Variants in KIZ observed in about 807,000 individuals in gnomAD.
KIZ encodes kizuna centrosomal protein.
Under a neutral mutation model 79.6 loss-of-function variants are expected in KIZ, and 68 were observed. That is an observed-to-expected ratio of 0.85 (90% CI 0.70 to 1.05). KIZ has a LOEUF of 1.05. Among genes scored for constraint, KIZ ranks in the 50% least tolerant of loss-of-function variants. The pLI, the probability that KIZ is intolerant of heterozygous loss-of-function variation, is 0.00. For missense variants in KIZ, 797 were observed against 800.4 expected (o/e 1.00, Z 0.05); for synonymous variants, 280 against 281.8 (o/e 0.99, Z 0.06).
chr20:21,141,815 ACACACACACT>A (rs1265443512), intron 3 of KIZ, among the ~76,000 whole-genome samples: 1 of 139,532 alleles, frequency 7.2e-6, no homozygotes, highest in Admixed American at 7.1e-5. Context: ...ACACACACAC[ACACACACACT>A]CTCTCTCTCT....
chr20:21,235,883 T>A (rs1253538739), intron 11 of KIZ, among the ~76,000 whole-genome samples: 1 of 152,222 alleles, frequency 6.6e-6, no homozygotes, highest in African/African-American at 2.4e-5. Flanking sequence ...GCGGTGGCAT[T>A]TTCTGTCTTT....
intron 6 of KIZ, among the ~76,000 whole-genome samples, chr20:21,205,253 C>A (rs1197612600): frequency 1.3e-5 from 2 of 152,128 alleles, no homozygotes; most frequent in African/African-American, 4.8e-5. Flanking sequence ...GTGCAGAGCT[C>A]CCCAGGTTGT....
At chr20:21,214,358 T>C (rs2036197924) in intron 7 of KIZ, among the ~76,000 whole-genome samples, 177 bp from the exon 8 acceptor site, 1 of 152,194 alleles carries the variant, frequency 6.6e-6, no homozygotes, top group East Asian at 1.9e-4. Context: ...TAGATTATAG[T>C]AGAAAATAAC....
At chr20:21,234,563 AT>A (rs2036939170) in intron 11 of KIZ, among the ~76,000 whole-genome samples, 1 of 152,008 alleles carries the variant, frequency 6.6e-6, no homozygotes, top group African/African-American at 2.4e-5. Context: ...ATTCACTGAA[AT>A]TTCTTAGAGG....
chr20:21,244,388 C>T lies in KIZ; in HGVS notation c.1924+100C>T, dbSNP rs541953784. On this transcript the variant is annotated intron_variant, in intron 12 of 12. Coordinates refer to ENST00000619189, the MANE Select transcript of KIZ (RefSeq NM_018474.6). ...TTGCACCCTCATGTGAGTCCTGAAG[C>T]GGGCATGCTCACAGGGACTGCCATT... is the stretch of plus-strand genomic sequence containing the variant. The T allele has an allele frequency of 1.2e-4, 99 of 831,106 alleles. No individual in the cohort carries two copies. The African/African-American group carries it at 1.5e-3, about 12-fold the overall frequency. The allele number at this position is 831,106 out of a possible 1,614,324, so 51.5% of individuals were successfully genotyped here.
At chr20:21,238,387 G>C (rs1354840398) in intron 11 of KIZ, among the ~76,000 whole-genome samples, 1 of 151,558 alleles carries the variant, frequency 6.6e-6, no homozygotes, top group South Asian at 2.1e-4. Context: ...GAGTGTGTGA[G>C]AGAGTGTGTG....
chr20:21,126,447 G>C (rs1021239513), intron 1 of KIZ, among the ~76,000 whole-genome samples: 1 of 152,136 alleles, frequency 6.6e-6, no homozygotes, highest in Non-Finnish European at 1.5e-5. Context: ...GCTAAAGCCT[G>C]GTCTACGGTT....
chr20:21,146,475 C>A (rs1184485011), intron 4 of KIZ, among the ~76,000 whole-genome samples: 3 of 152,228 alleles, frequency 2.0e-5, no homozygotes, highest in Non-Finnish European at 4.4e-5. Flanking sequence ...ATATTTAATG[C>A]TTTCCTTGGA....
intron 12 of KIZ, 88 bp from the exon 13 acceptor site, chr20:21,246,391 C>A: frequency 1.3e-6 from 1 of 797,190 alleles, no homozygotes; most frequent in African/African-American, 1.7e-5. Flanking sequence ...TGACACTCTG[C>A]TTAACCAGTC....
intron 3 of KIZ, among the ~76,000 whole-genome samples, chr20:21,144,356 A>G (rs1467828509): frequency 1.3e-5 from 2 of 152,218 alleles, no homozygotes; most frequent in African/African-American, 2.4e-5. Context: ...TTGAGATACT[A>G]TCCCTTGGAA....
intron 3 of KIZ, among the ~76,000 whole-genome samples, chr20:21,140,703 G>A (rs1468338426): frequency 6.6e-6 from 1 of 152,166 alleles, no homozygotes; most frequent in East Asian, 1.9e-4. Flanking sequence ...TTAGGTCTGG[G>A]CATGGTGGTT....
At chr20:21,166,379 T>A in intron 6 of KIZ, 1 of 1,600,464 alleles carries the variant, frequency 6.2e-7, no homozygotes, top group Non-Finnish European at 8.5e-7. Flanking sequence ...AGCTGATCAC[T>A]CCACACTTGT....
intron 6 of KIZ, among the ~76,000 whole-genome samples, chr20:21,191,356 A>G (rs529240327): frequency 6.6e-6 from 1 of 152,346 alleles, no homozygotes; most frequent in African/African-American, 2.4e-5. Flanking sequence ...AGGAAAGCAG[A>G]CACAACTGCT....
intron 4 of KIZ, among the ~76,000 whole-genome samples, chr20:21,148,179 T>C (rs559579818): frequency 5.9e-5 from 9 of 152,240 alleles, no homozygotes; most frequent in South Asian, 2.1e-4. Flanking sequence ...GGGATGGCCA[T>C]TGAGGTGGAA....
intron 12 of KIZ, 110 bp downstream of exon 12, chr20:21,244,398 C>T (rs2037322019): frequency 1.3e-6 from 1 of 765,506 alleles, no homozygotes; most frequent in Non-Finnish European, 2.3e-6. Context: ...CGGGCATGCT[C>T]ACAGGGACTG....
intron 9 of KIZ, among the ~76,000 whole-genome samples, chr20:21,224,740 A>G (rs532202789): frequency 2.6e-5 from 4 of 152,160 alleles, no homozygotes; most frequent in Non-Finnish European, 4.4e-5. Context: ...CTGGTGAACC[A>G]CGTGTTTGTC....
Position 21,162,168 on chromosome 20 carries a change from A to G in KIZ, c.703A>G (p.Lys235Glu), listed in dbSNP as rs1396798087. The part of the protein sequence containing the change: ...DGKASLQIGE[K>E]MPVTASVLSE... ...AAAGGCATCTCTTCAGATTGGTGAG[A>G]AAATGCCAGTCACAGCCAGTGTATT... Residue 235 changes from lysine to glutamate, a missense_variant, in exon 5 of 13, where the codon AAA becomes GAA. Physicochemically the swap from Lys to Glu is moderately conservative, Grantham distance 56. Coordinates refer to ENST00000619189, the MANE Select transcript of KIZ (RefSeq NM_018474.6). The G allele has an allele frequency of 2.5e-6, 4 of 1,611,186 alleles. No individual in the cohort carries two copies. The South Asian group carries it at 3.3e-5, about 13-fold the overall frequency.
rs74679115 is a variant in KIZ at position 21,234,771 on chromosome 20, C to A, written c.1880+1941C>A. ...AAAGAAAAAAAAAAAACCCACTGGACCTAAAAAAAAAAAAAAAAAAAAATG... is the reference window on the plus strand; with the variant it reads ...AAAGAAAAAAAAAAAACCCACTGGAACTAAAAAAAAAAAAAAAAAAAAATG... On this transcript the variant is annotated intron_variant, in intron 11 of 12. Coordinates refer to ENST00000619189, the MANE Select transcript of KIZ (RefSeq NM_018474.6). 2.8e-3 allele frequency among the ~76,000 whole-genome samples: 396 copies of A among 141,912 alleles called. 2 individuals are homozygous for A. The highest frequency in any genetic ancestry group is 0.01 in the African/African-American group (390 of 38,084). The allele number at this position is 141,912 out of a possible 152,430, so 93.1% of individuals were successfully genotyped here. A position where few individuals can be genotyped will look rare whatever the true frequency, so the allele number is the denominator to read the frequency against.
intron 4 of KIZ, among the ~76,000 whole-genome samples, chr20:21,147,969 G>GTGTGTGTGTGTC (rs2032931658): frequency 6.6e-6 from 1 of 150,932 alleles, no homozygotes; most frequent in Admixed American, 6.6e-5. Context: ...ATTTGTGTGT[G>GTGTGTGTGTGTC]TGTGTGTGTG....
Sources: gnomAD v4.1 joint callset for allele counts (sites outside exome capture counted in the v4.1 genomes callset) on GRCh38, gnomAD v4.1.1 for gene constraint, MANE v1.5 for transcripts, NCBI Gene and HGNC (gene_info 2026-07-23, HGNC 2026-07-21) for gene names.